The following ANKS1B variants were observed in gnomAD, a reference collection of about 807,000 sequenced individuals.
The protein encoded by ANKS1B is ankyrin repeat and sterile alpha motif domain-containing protein 1B.
Under a neutral mutation model 148.3 loss-of-function variants are expected in ANKS1B, and 36 were observed. The observed-to-expected ratio is 0.24, with a 90% CI of 0.19 to 0.32. The LOEUF (loss-of-function observed/expected upper bound fraction) is 0.32, where lower values mean the gene tolerates loss of function less well. ANKS1B is among the 10% of genes least tolerant of loss of function. The probability of loss-of-function intolerance (pLI) is 1.00; values close to 1 mark genes in which losing one functional copy is unlikely to be tolerated. For missense variants in ANKS1B, 1,157 were observed against 1,542.6 expected (o/e 0.75, Z 4.19); for synonymous variants, 542 against 560.8 (o/e 0.97, Z 0.47).
chr12:99,479,510 G>A (rs1465712585), intron 10 of ANKS1B, among the ~76,000 whole-genome samples: 2 of 151,994 alleles, frequency 1.3e-5, no homozygotes, highest in African/African-American at 2.4e-5. Flanking sequence ...TACAGAAAAT[G>A]TGGCATGTAT....
chr12:98,793,973 GTCTTGGAA>G (rs1236537537), intron 22 of ANKS1B, among the ~76,000 whole-genome samples: 1 of 152,160 alleles, frequency 6.6e-6, no homozygotes, highest in Non-Finnish European at 1.5e-5. Flanking sequence ...AAAACTGTAT[GTCTTGGAA>G]TCTTTGAAGT....
intron 1 of ANKS1B, among the ~76,000 whole-genome samples, chr12:99,853,159 T>G (rs919769603): frequency 6.6e-6 from 1 of 151,760 alleles, no homozygotes; most frequent in Non-Finnish European, 1.5e-5. Context: ...AAGGACAATC[T>G]CTTAGGAGCG....
chr12:99,154,506 T>C (rs1434813496), intron 14 of ANKS1B, 111 bp from the exon 15 acceptor site: 3 of 1,607,602 alleles, frequency 1.9e-6, no homozygotes, highest in East Asian at 2.2e-5. Flanking sequence ...CCTGGGAAAG[T>C]TGCTATCAAA....
chr12:99,427,290 T>A (rs1418581076), intron 11 of ANKS1B, among the ~76,000 whole-genome samples: 3 of 152,194 alleles, frequency 2.0e-5, no homozygotes, highest in Admixed American at 1.3e-4. Context: ...CTCTCTGTCT[T>A]CTCTGGTTTC....
chr12:99,005,430 G>A (rs1407433857), intron 17 of ANKS1B, among the ~76,000 whole-genome samples: 1 of 152,176 alleles, frequency 6.6e-6, no homozygotes, highest in Non-Finnish European at 1.5e-5. Flanking sequence ...GAAAGCAATG[G>A]AAAGTTGACA....
chr12:99,464,445 T>G (rs1256160529), intron 10 of ANKS1B, among the ~76,000 whole-genome samples: 1 of 152,294 alleles, frequency 6.6e-6, no homozygotes, highest in South Asian at 2.1e-4. Flanking sequence ...GGACGGAGAA[T>G]GACTTTGACG....
chr12:99,688,623 G>T (rs1308645319), intron 8 of ANKS1B, among the ~76,000 whole-genome samples: 1 of 152,112 alleles, frequency 6.6e-6, no homozygotes, highest in Non-Finnish European at 1.5e-5. Flanking sequence ...GATCACTTGA[G>T]GCCAGGAGTT....
At chr12:98,831,723 T>C in intron 18 of ANKS1B, 1 of 285,734 alleles carries the variant, frequency 3.5e-6, no homozygotes, top group Non-Finnish European at 6.8e-6. Flanking sequence ...TTCAGTTGTA[T>C]AAAGTGCACG....
In ANKS1B at chr12:99,504,653, A is replaced by C; in HGVS notation, c.1273-12T>G. 1.3e-6 allele frequency: 2 copies of C among 1,515,950 alleles called. No homozygotes were observed. Among genetic ancestry groups the C allele is most frequent in the Non-Finnish European group, 1.8e-6 (2 of 1,131,384 alleles). The allele number at this position is 1,515,950 out of a possible 1,614,324, so 93.9% of individuals were successfully genotyped here. ...TTTGGATAGGACTCCTGAAAAGAAGAAAAAATAAAAACAGCTTTGTGATGA... is the reference window on the plus strand; with the variant it reads ...TTTGGATAGGACTCCTGAAAAGAAGCAAAAATAAAAACAGCTTTGTGATGA... On this transcript the variant is annotated splice_polypyrimidine_tract_variant and intron_variant, in intron 9 of 26. Coordinates refer to ENST00000683438, the MANE Select transcript of ANKS1B (RefSeq NM_001352186.2).
chr12:99,853,906 C>T (rs2088490334), intron 1 of ANKS1B, among the ~76,000 whole-genome samples: 1 of 151,936 alleles, frequency 6.6e-6, no homozygotes, highest in South Asian at 2.1e-4. Flanking sequence ...AAATGAAGGA[C>T]ACGCTTAGAG....
At chr12:99,716,187 G>A (rs1483122739) in intron 8 of ANKS1B, among the ~76,000 whole-genome samples, 8 of 150,630 alleles carry the variant, frequency 5.3e-5, no homozygotes, top group Admixed American at 1.3e-4. Flanking sequence ...TCTGTGCCCC[G>A]ATCCCTTATT....
intron 10 of ANKS1B, among the ~76,000 whole-genome samples, chr12:99,444,469 T>A (rs1288779979): frequency 6.6e-6 from 1 of 151,924 alleles, no homozygotes; most frequent in Non-Finnish European, 1.5e-5. Flanking sequence ...GTTCAGTATT[T>A]AGGAGGGGGG....
chr12:99,355,440 T>C (rs1157812839), intron 12 of ANKS1B, among the ~76,000 whole-genome samples: 1 of 152,300 alleles, frequency 6.6e-6, no homozygotes, highest in South Asian at 2.1e-4. Context: ...CATTCTGTTA[T>C]TTTAATGCCT....
intron 12 of ANKS1B, among the ~76,000 whole-genome samples, chr12:99,353,344 A>G (rs956251038): frequency 6.6e-6 from 1 of 151,996 alleles, no homozygotes; most frequent in African/African-American, 2.4e-5. Flanking sequence ...TTGTCTGTAA[A>G]AATCCTGGCA....
Position 99,632,767 on chromosome 12 carries a change from A to ATT in ANKS1B, c.1272+22298_1272+22299dup, listed in dbSNP as rs1555520394. On this transcript the variant is annotated intron_variant, in intron 9 of 26. Coordinates refer to ENST00000683438, the MANE Select transcript of ANKS1B (RefSeq NM_001352186.2). The stretch of plus-strand genomic sequence containing the variant: ...TATATATATATATATATATATATAT[A>ATT]TTTTAATTATACTTTAAGTTCTAGG... Among the ~76,000 whole-genome samples the ATT allele has an allele frequency of 9.1e-4, 65 of 71,312 alleles. 3 individuals carry two copies. Among genetic ancestry groups the ATT allele is most frequent in the Admixed American group, 1.4e-3 (8 of 5,582 alleles). 46.8% of individuals were successfully genotyped at this position (71,312 alleles called of 152,430 possible).
intron 14 of ANKS1B, among the ~76,000 whole-genome samples, chr12:99,203,592 A>C (rs2082315649): frequency 6.6e-6 from 1 of 151,910 alleles, no homozygotes; most frequent in Non-Finnish European, 1.5e-5. Flanking sequence ...CTGGGACTAC[A>C]GGTGCCCGCC....
chr12:98,771,690 G>T (rs1242173878), intron 25 of ANKS1B, among the ~76,000 whole-genome samples: 13 of 151,998 alleles, frequency 8.6e-5, no homozygotes, highest in Admixed American at 8.5e-4. Flanking sequence ...TGTTTCTCAG[G>T]CTCATCTTCA....
intron 12 of ANKS1B, among the ~76,000 whole-genome samples, chr12:99,269,436 T>C (rs889741643): frequency 1.3e-5 from 2 of 152,148 alleles, no homozygotes; most frequent in African/African-American, 4.8e-5. Flanking sequence ...ATTGAATATG[T>C]TTAGCATAAA....
chr12:99,583,525 A>T (rs1008825062), intron 9 of ANKS1B, among the ~76,000 whole-genome samples: 1 of 152,220 alleles, frequency 6.6e-6, no homozygotes, highest in Non-Finnish European at 1.5e-5. Context: ...ACACTATTTT[A>T]TGATCAGTTC....
Sources: allele counts gnomAD v4.1 joint callset (sites outside exome capture counted in the v4.1 genomes callset), GRCh38; gene constraint gnomAD v4.1.1; transcripts MANE v1.5; gene names NCBI Gene and HGNC (gene_info 2026-07-23, HGNC 2026-07-21).